The following ARHGEF40 variants were observed in gnomAD, a reference collection of about 807,000 sequenced individuals.
ARHGEF40 encodes Rho guanine nucleotide exchange factor 40.
Under a neutral mutation model 165.9 loss-of-function variants are expected in ARHGEF40, and 98 were observed. That is an observed-to-expected ratio of 0.59 (90% CI 0.50 to 0.70). The LOEUF is 0.70. Among genes scored for constraint, ARHGEF40 ranks in the 30% least tolerant of loss-of-function variants. The pLI is 0.00. For missense variants in ARHGEF40, 1,815 were observed against 1,968.0 expected (o/e 0.92, Z 1.47); for synonymous variants, 792 against 814.3 (o/e 0.97, Z 0.47).
Position 21,082,403 on chromosome 14 carries a change from C to G in ARHGEF40, c.3411C>G (p.His1137Gln). The change falls in exon 15 of 24, where the codon CAC becomes CAG. Residue 1137 changes from histidine to glutamine, a missense_variant. By Grantham distance (24) the His-to-Gln change is conservative. Coordinates refer to ENST00000298694, the MANE Select transcript of ARHGEF40 (RefSeq NM_018071.5). ...CCCGGGAAAGGCTTCGCAGCTTCCA[C>G]CGGACACACTTTCTGCGGGAGCTTC... is the stretch of plus-strand genomic sequence containing the variant. ...LSARERLRSF[H>Q]RTHFLRELQG... 1 of 1,611,602 alleles carries G rather than the reference C, an allele frequency of 6.2e-7. No homozygotes were observed. The highest frequency in any genetic ancestry group is 8.5e-7 in the Non-Finnish European group (1 of 1,179,258).
In ARHGEF40 at chr14:21,088,085, G is replaced by A. The variant is rs746298302; in HGVS notation, c.4505G>A (p.Gly1502Glu). ...TPTLASRGIL[G>E]LSRQSHARAL... is the part of the protein sequence containing the mutation. ...ACCCTGGCCAGTCGAGGGATCTTAG[G>A]GCTATCCCGACAGGTAAGTTCCTAC... Residue 1502 changes from glycine (G) to glutamate (E), a missense_variant, in exon 22 of 24, where the codon GGG (glycine) becomes GAG (glutamate). Coordinates refer to ENST00000298694, the MANE Select transcript of ARHGEF40 (RefSeq NM_018071.5). 1.2e-5 allele frequency: 19 copies of A among 1,611,418 alleles called. No individual in the cohort carries two copies. The Admixed American group carries it at 3.0e-4, about 26-fold the overall frequency.
At chr14:21,070,280 C>T (rs1006820767), upstream of ARHGEF40, 73 of 1,117,392 alleles carry the variant, frequency 6.5e-5, no homozygotes, top group African/African-American at 1.1e-3. This position sits in a 1 kb window ranked among gnomAD's most constrained non-coding sequence, Gnocchi z 4.7. Flanking sequence ...GAGCCGCCAC[C>T]GCGGCCGGAG....
Position 21,078,355 on chromosome 14 carries a change from A to G in ARHGEF40, c.2131-18A>G. 1 of 1,595,500 alleles carries G rather than the reference A, an allele frequency of 6.3e-7. No homozygotes were observed. The highest frequency in any genetic ancestry group is 8.6e-7 in the Non-Finnish European group (1 of 1,168,848). On this transcript the variant is annotated intron_variant, in intron 9 of 23. Coordinates refer to ENST00000298694, the MANE Select transcript of ARHGEF40 (RefSeq NM_018071.5). ...CTCTCTGGTGGAACCCCAACTGGCA[A>G]CTCCTCCCTATCCCCAGGAGGCAGT... is the stretch of plus-strand genomic sequence containing the variant.
intron 1 of ARHGEF40, among the ~76,000 whole-genome samples, chr14:21,071,488 G>A (rs1886856960): frequency 6.6e-6 from 1 of 152,110 alleles, no homozygotes. Context: ...GAGGCTGGAG[G>A]AAAAAGAAAG....
upstream of ARHGEF40, among the ~76,000 whole-genome samples, chr14:21,069,905 G>C (rs1480320793): frequency 6.6e-6 from 1 of 152,230 alleles, no homozygotes; most frequent in Non-Finnish European, 1.5e-5. Context: ...TTCTGGGAAG[G>C]GGCGGCCCAA....
intron 21 of ARHGEF40, 134 bp from the exon 22 acceptor site, chr14:21,087,834 T>C: frequency 8.0e-7 from 1 of 1,248,386 alleles, no homozygotes; most frequent in East Asian, 2.3e-5. Context: ...GGGGTTCCCT[T>C]GCAACTGGAT....
chr14:21,076,619 T>G lies in ARHGEF40; in HGVS notation c.1893T>G (p.Leu631=). The part of the protein sequence containing the change: ...QRLLILIHDD[L]PTELCGFQGA... ...TGCTGATTCTCATTCATGATGACCT[T>G]CCAACTGAACTCTGTGGATTTCAGG... The change falls in exon 7 of 24, where the codon CTT becomes CTG. Residue 631 remains leucine, a synonymous_variant. Coordinates refer to ENST00000298694, the MANE Select transcript of ARHGEF40 (RefSeq NM_018071.5). 6.2e-7 allele frequency: 1 copy of G among 1,614,218 alleles called. No individual in the cohort carries two copies. Among genetic ancestry groups the G allele is most frequent in the Non-Finnish European group, 8.5e-7 (1 of 1,180,022 alleles).
upstream of ARHGEF40, among the ~76,000 whole-genome samples, chr14:21,069,623 C>T (rs998114286): frequency 2.0e-5 from 3 of 152,228 alleles, no homozygotes; most frequent in African/African-American, 7.2e-5. Flanking sequence ...CCCTAACTCC[C>T]GCACACTCCC....
rs1886659325 is a variant in ARHGEF40 at position 21,070,535 on chromosome 14, C to T, written c.3+136C>T. ...CCTCTGGGACTCTCCTCCCTCCCAT[C>T]CCCCCTTCTTCGATTTGTCTGTCTG... On this transcript the variant is annotated intron_variant, in intron 1 of 23. Transcript: ENST00000298694. The surrounding 1 kb of genome is among the most constrained non-coding windows in gnomAD (Gnocchi z 4.7). 9.2e-7 allele frequency: 1 copy of T among 1,088,624 alleles called. No homozygotes were observed. Among genetic ancestry groups the T allele is most frequent in the East Asian group, 2.7e-5 (1 of 36,578 alleles). The allele number at this position is 1,088,624 out of a possible 1,614,324, so 67.4% of individuals were successfully genotyped here.
rs367908231 is a variant in ARHGEF40 at position 21,076,916 on chromosome 14, A to G, written c.2034+26A>G. On this transcript the variant is annotated intron_variant, in intron 8 of 23. Transcript: ENST00000298694. ...GTAAGCTTCCCCTCTACCACCTAGCATGCTGGGAGCCAGGAATAACCCAGC... is the reference window on the plus strand; with the variant it reads ...GTAAGCTTCCCCTCTACCACCTAGCGTGCTGGGAGCCAGGAATAACCCAGC... The G allele has an allele frequency of 2.0e-5, 31 of 1,580,754 alleles. No homozygotes were observed. In the Middle Eastern group the frequency reaches 8.3e-4, roughly 42 times the overall value.
chr14:21,068,349 AG>A (rs1886398729), upstream of ARHGEF40, among the ~76,000 whole-genome samples: 1 of 151,072 alleles, frequency 6.6e-6, no homozygotes, highest in African/African-American at 2.4e-5. Flanking sequence ...CCCTTTTTCC[AG>A]GAGTTTGTGG....
rs186973954 is a variant in ARHGEF40, at chr14:21,070,385, C to G, written c.-12C>G. 5.7e-5 allele frequency: 81 copies of G among 1,410,750 alleles called. No homozygotes were observed. The highest frequency in any genetic ancestry group is 7.0e-5 in the Non-Finnish European group (76 of 1,091,378). 87.4% of individuals were successfully genotyped at this position (1,410,750 alleles called of 1,614,324 possible). On this transcript the variant is annotated 5_prime_UTR_variant, in exon 1 of 24. Coordinates refer to ENST00000298694, the MANE Select transcript of ARHGEF40 (RefSeq NM_018071.5). This position sits in a 1 kb window ranked among gnomAD's most constrained non-coding sequence, Gnocchi z 4.7. ...GCCCGACCAAGCGTCGGACGCGGCCCGGCGCCGAGCCATGGTGAGTCCAGC... is the reference window on the plus strand; with the variant it reads ...GCCCGACCAAGCGTCGGACGCGGCCGGGCGCCGAGCCATGGTGAGTCCAGC...
the ARHGEF40 span, among the ~76,000 whole-genome samples, chr14:21,062,198 T>G: frequency 6.6e-6 from 1 of 152,236 alleles, no homozygotes; most frequent in Non-Finnish European, 1.5e-5. Flanking sequence ...AAGAAACATT[T>G]TAAAAACTCA....
At position 21,073,543 on chromosome 14, in the gene ARHGEF40, C is replaced by T. The variant is rs1887150625; in HGVS notation, c.201+301C>T. Among the ~76,000 whole-genome samples, 1 of 152,070 alleles carries T rather than the reference C, an allele frequency of 6.6e-6. No individual in the cohort carries two copies. Among genetic ancestry groups the T allele is most frequent in the Admixed American group, 6.5e-5 (1 of 15,268 alleles). On this transcript the variant is annotated intron_variant, in intron 2 of 23. Transcript: ENST00000298694. The surrounding 1 kb of genome is among the most constrained non-coding windows in gnomAD (Gnocchi z 4.6). ...CCAGACCCAATTCCAGACATCTTCT[C>T]CCCCTCATATGAATTTCTCAAGACA...
chr14:21,087,449 A>G lies in ARHGEF40; in HGVS notation c.4373A>G (p.Lys1458Arg). The G allele has an allele frequency of 1.9e-6, 3 of 1,600,730 alleles. No homozygotes were observed. The highest frequency in any genetic ancestry group is 2.5e-6 in the Non-Finnish European group (3 of 1,179,910). Residue 1458 changes from lysine to arginine, a missense_variant, in exon 21 of 24, where the codon AAG (lysine) becomes AGG (arginine). Physicochemically the swap from Lys to Arg is conservative, Grantham distance 26. Transcript: ENST00000298694. ...GAGGAGGCCTGGGATCTGGACGTCA[A>G]GCAAATTTCCCTGGGTGAGGCACCT... ...VEEEAWDLDV[K>R]QISLAPETLD... is the part of the protein sequence containing the mutation.
In ARHGEF40 at chr14:21,075,770, C is replaced by T. The variant is rs751612755; in HGVS notation, c.1739+5C>T. On this transcript the variant is annotated splice_donor_5th_base_variant and intron_variant, in intron 5 of 23. Coordinates refer to ENST00000298694, the MANE Select transcript of ARHGEF40 (RefSeq NM_018071.5). This position sits in a 1 kb window ranked among gnomAD's most constrained non-coding sequence, Gnocchi z 4.5. ...TTACCTCCACTCACTGCTCAGGTAACCGAGGCCCAGTCCTGGCACCCTGGA... is the reference window on the plus strand; with the variant it reads ...TTACCTCCACTCACTGCTCAGGTAATCGAGGCCCAGTCCTGGCACCCTGGA... 2.5e-6 allele frequency: 4 copies of T among 1,611,618 alleles called. No individual in the cohort carries two copies. The highest frequency in any genetic ancestry group is 1.1e-5 in the South Asian group (1 of 90,904).
chr14:21,087,348 G>C lies in ARHGEF40; in HGVS notation c.4272G>C (p.Val1424=). Residue 1424 remains valine, a synonymous_variant, in exon 21 of 24, where the codon GTG becomes GTC. Coordinates refer to ENST00000298694, the MANE Select transcript of ARHGEF40 (RefSeq NM_018071.5). ...RAARTRASVA[V]SSFEHAGPSL... ...CCCGCACCCGGGCCTCCGTGGCCGT[G>C]TCATCCTTTGAGCATGCCGGCCCCT... is the stretch of plus-strand genomic sequence containing the variant. 1 of 1,606,706 alleles carries C rather than the reference G, an allele frequency of 6.2e-7. No homozygotes were observed.
chr14:21,080,619 C>T, intron 11 of ARHGEF40, 41 bp from the exon 12 acceptor site: 1 of 1,583,390 alleles, frequency 6.3e-7, no homozygotes, highest in Non-Finnish European at 8.6e-7. Flanking sequence ...CCTTGCCTTT[C>T]CACTCCATGA....
At chr14:21,088,177 C>G in intron 22 of ARHGEF40, 79 bp downstream of exon 22, 1 of 1,500,238 alleles carries the variant, frequency 6.7e-7, no homozygotes, top group Non-Finnish European at 8.9e-7. Flanking sequence ...TCATTCAACC[C>G]CAGGGGGGTT....
Sources: gnomAD v4.1 joint callset for allele counts (sites outside exome capture counted in the v4.1 genomes callset) on GRCh38, gnomAD v4.1.1 for gene constraint, Gnocchi (gnomAD v3.1) non-coding constraint, MANE v1.5 for transcripts, NCBI Gene and HGNC (gene_info 2026-07-23, HGNC 2026-07-21) for gene names.